PAQR5: variants seen among roughly 807,000 people sequenced by gnomAD.
PAQR5 encodes membrane progestin receptor gamma.
Under a neutral mutation model 34.5 loss-of-function variants are expected in PAQR5, and 20 were observed. That is an observed-to-expected ratio of 0.58 (90% CI 0.41 to 0.84). The LOEUF is 0.84. Among genes scored for constraint, PAQR5 ranks in the 40% least tolerant of loss-of-function variants. PAQR5 has a pLI of 0.00. For missense variants in PAQR5, 378 were observed against 412.7 expected, an observed-to-expected ratio of 0.92 and a Z score of 0.73; for synonymous variants, 131 against 155.6, an observed-to-expected ratio of 0.84 and a Z score of 1.18.
chr15:69,344,734 G>A (rs2054724704), intron 2 of PAQR5, among the ~76,000 whole-genome samples: 1 of 152,202 alleles, frequency 6.6e-6, no homozygotes, highest in Non-Finnish European at 1.5e-5. Flanking sequence ...ACTGTGTGAG[G>A]TGACTCAGAA....
intron 1 of PAQR5, among the ~76,000 whole-genome samples, chr15:69,314,146 G>A (rs1281631472): frequency 2.0e-5 from 3 of 151,950 alleles, no homozygotes; most frequent in East Asian, 1.9e-4. Flanking sequence ...TCATTTCTTC[G>A]ATGTCTTTGG....
At chr15:69,389,856 C>A (rs909297783) in intron 6 of PAQR5, 76 bp downstream of exon 6, 1 of 1,532,274 alleles carries the variant, frequency 6.5e-7, no homozygotes, top group Non-Finnish European at 8.9e-7. Flanking sequence ...TTGAGGGAGC[C>A]GGGGAAGAGG....
At chr15:69,375,591 G>A (rs780733072) in intron 3 of PAQR5, among the ~76,000 whole-genome samples, 15 of 152,272 alleles carry the variant, frequency 9.9e-5, no homozygotes, top group East Asian at 5.8e-4. Context: ...CTCCCCAGGC[G>A]GAGCAATGAA....
At chr15:69,308,095 C>A (rs933896525) in intron 1 of PAQR5, among the ~76,000 whole-genome samples, 1 of 152,174 alleles carries the variant, frequency 6.6e-6, no homozygotes, top group African/African-American at 2.4e-5. Flanking sequence ...CAAGGACTGC[C>A]ATCAGATGAC....
At chr15:69,313,899 G>A (rs1056095387) in intron 1 of PAQR5, among the ~76,000 whole-genome samples, 3 of 152,160 alleles carry the variant, frequency 2.0e-5, no homozygotes, top group South Asian at 4.1e-4. Flanking sequence ...GTCCTGGGGG[G>A]GCTGCAAGCT....
At chr15:69,383,183 G>A (rs903726603) in intron 4 of PAQR5, among the ~76,000 whole-genome samples, 3 of 152,202 alleles carry the variant, frequency 2.0e-5, no homozygotes, top group African/African-American at 7.2e-5. Context: ...CGGGGGAATG[G>A]AGACAGTAGA....
At chr15:69,390,339 TA>T (rs2056224546) in intron 6 of PAQR5, among the ~76,000 whole-genome samples, 1 of 110,658 alleles carries the variant, frequency 9.0e-6, no homozygotes, top group Non-Finnish European at 2.1e-5. Flanking sequence ...TTTATTTATT[TA>T]TTTATTTATT....
intron 1 of PAQR5, among the ~76,000 whole-genome samples, chr15:69,302,330 C>T (rs111668944): frequency 0.026 from 3,882 of 152,186 alleles, 124 homozygotes; most frequent in African/African-American, 0.073. Flanking sequence ...GCCTCTACCT[C>T]CCAAAGTGCT....
intron 4 of PAQR5, among the ~76,000 whole-genome samples, chr15:69,381,575 C>A (rs1462701316): frequency 1.3e-5 from 2 of 152,144 alleles, no homozygotes; most frequent in Non-Finnish European, 2.9e-5. Flanking sequence ...TATGTTACAG[C>A]TGAGCCAAGC....
At chr15:69,402,227 C>T (rs894485544) in intron 8 of PAQR5, among the ~76,000 whole-genome samples, 2 of 152,166 alleles carry the variant, frequency 1.3e-5, no homozygotes, top group African/African-American at 4.8e-5. Context: ...GGAGGCCTCT[C>T]TCTTTGGCTT....
chr15:69,370,861 T>G (rs1003532321), intron 3 of PAQR5, among the ~76,000 whole-genome samples: 6 of 152,236 alleles, frequency 3.9e-5, no homozygotes, highest in Non-Finnish European at 5.9e-5. Flanking sequence ...AGTGAAACTC[T>G]GATTTTTATA....
intron 1 of PAQR5, among the ~76,000 whole-genome samples, chr15:69,322,811 G>GAAGAAGAAGAAGAAGAA (rs1566998179): frequency 3.9e-5 from 1 of 25,334 alleles, no homozygotes; most frequent in African/African-American, 9.3e-5. Context: ...AAGAGGAAGA[G>GAAGAAGAAGAAGAAGAA]GAAGAAGAAG....
intron 3 of PAQR5, among the ~76,000 whole-genome samples, chr15:69,373,221 G>A (rs2140895161): frequency 6.6e-6 from 1 of 152,178 alleles, no homozygotes; most frequent in African/African-American, 2.4e-5. Context: ...CTATTTTAAG[G>A]TCAGTGGATT....
At position 69,359,157 on chromosome 15, in the gene PAQR5, A is replaced by G. The variant is rs570894969; in HGVS notation, c.-115-809A>G. 5.9e-5 allele frequency among the ~76,000 whole-genome samples: 9 copies of G among 152,176 alleles called. No individual in the cohort carries two copies. The South Asian group carries it at 8.3e-4, about 14-fold the overall frequency. ...ACAAGCTCCCTCACACCTCTTTTCT[A>G]TGAGCACTAATCCCACTCGTAAGGG... On this transcript the variant is annotated intron_variant, in intron 2 of 8. Coordinates refer to ENST00000395407, the MANE Select transcript of PAQR5 (RefSeq NM_017705.4).
rs114802222 is a variant in PAQR5 at position 69,401,934 on chromosome 15, T to C, written c.752-1647T>C. On this transcript the variant is annotated intron_variant, in intron 8 of 8. Transcript: ENST00000395407. ...TTTTTCTAGAGATGGGATCTCACTG[T>C]GTTGCCCAGGCTGGTCTCAAAACTC... Among the ~76,000 whole-genome samples, 1,157 of 152,312 alleles carry C rather than the reference T, an allele frequency of 7.6e-3. 21 individuals carry two copies. Among genetic ancestry groups the C allele is most frequent in the African/African-American group, 0.026 (1,079 of 41,574 alleles).
At chr15:69,370,543 G>A (rs1031651913) in intron 3 of PAQR5, among the ~76,000 whole-genome samples, 1 of 152,132 alleles carries the variant, frequency 6.6e-6, no homozygotes, top group South Asian at 2.1e-4. Flanking sequence ...TTTTGAGACA[G>A]AGTTTCGCTC....
chr15:69,314,532 T>G (rs2053900617), intron 1 of PAQR5: 1 of 152,382 alleles, frequency 6.6e-6, no homozygotes, highest in African/African-American at 2.4e-5. Context: ...TGCCTTTAGG[T>G]ATCTGGACCA....
chr15:69,379,251 G>A (rs189110858), intron 3 of PAQR5: 1 of 162,842 alleles, frequency 6.1e-6, no homozygotes, highest in Admixed American at 6.6e-5. Flanking sequence ...TATTTCACCT[G>A]ACCAGTCCGG....
chr15:69,396,722 C>A (rs1030322537), intron 6 of PAQR5, among the ~76,000 whole-genome samples: 1 of 152,180 alleles, frequency 6.6e-6, no homozygotes, highest in East Asian at 1.9e-4. Flanking sequence ...GCTGTCTGTG[C>A]TACCCAGTTC....
Sources: gnomAD v4.1 joint callset for allele counts (sites outside exome capture counted in the v4.1 genomes callset) on GRCh38, gnomAD v4.1.1 for gene constraint, MANE v1.5 for transcripts, NCBI Gene and HGNC (gene_info 2026-07-23, HGNC 2026-07-21) for gene names.